The following SPIC variants were observed in gnomAD, a reference collection of about 807,000 sequenced individuals.
The protein encoded by SPIC is Spi-C transcription factor.
A neutral mutation model predicts 16.7 loss-of-function variants in SPIC; 9 were observed. The observed-to-expected ratio is 0.54, with a 90% CI of 0.33 to 0.94. The LOEUF (loss-of-function observed/expected upper bound fraction) is 0.94. Among genes scored for constraint, SPIC ranks in the 40% least tolerant of loss-of-function variants. The pLI is 0.03. For synonymous variants in SPIC, 97 were observed against 102.9 expected, an observed-to-expected ratio of 0.94 and a Z score of 0.35; for missense variants, 241 against 285.8, an observed-to-expected ratio of 0.84 and a Z score of 1.13.
chr12:101,479,307 A>AAAAGAAAGAAAGAAAG lies in SPIC; in HGVS notation c.98-239_98-224dup, dbSNP rs5800473. On this transcript the variant is annotated intron_variant, in intron 3 of 5. Transcript: ENST00000551346. ...GAAAAAGAAAGAAAGAAAGAAAGAAAAAAGAAAGAAAGAAAGAAAGAAAGA... is the reference window on the plus strand; with the variant it reads ...GAAAAAGAAAGAAAGAAAGAAAGAAAAAAGAAAGAAAGAAAGAAAGAAAGAAAGAAAGAAAGAAAGA... 7.7e-3 allele frequency among the ~76,000 whole-genome samples: 679 copies of AAAAGAAAGAAAGAAAG among 88,160 alleles called. 35 individuals are homozygous for AAAAGAAAGAAAGAAAG. The highest frequency in any genetic ancestry group is 0.016 in the Middle Eastern group (3 of 182). 57.8% of individuals were successfully genotyped at this position (88,160 alleles called of 152,430 possible). A position where few individuals can be genotyped will look rare whatever the true frequency, so the allele number is the denominator to read the frequency against.
intron 3 of SPIC, among the ~76,000 whole-genome samples, chr12:101,479,307 AAAAGAAAG>A (rs5800473): frequency 0.034 from 2,981 of 88,108 alleles, 115 homozygotes; most frequent in Admixed American, 0.082. Flanking sequence ...AAAGAAAGAA[AAAAGAAAG>A]AAAGAAAGAA....
intron 3 of SPIC, among the ~76,000 whole-genome samples, chr12:101,479,241 A>AG (rs1491467780): frequency 9.6e-5 from 7 of 72,828 alleles, no homozygotes; most frequent in Non-Finnish European, 1.4e-4. Context: ...AGAAAGAAAG[A>AG]AAAAGAAAGA....
At chr12:101,482,757 G>A (rs762002462) in intron 4 of SPIC, 35 bp from the exon 5 acceptor site, 14 of 1,577,058 alleles carry the variant, frequency 8.9e-6, no homozygotes, top group Non-Finnish European at 1.2e-5. Context: ...AACAGGGAAA[G>A]TCTCACTTAA....
Position 101,486,710 on chromosome 12 carries a change from G to A in SPIC, c.686G>A (p.Trp229Ter), listed in dbSNP as rs757246884. The part of the protein sequence containing the change: ...PDQEYLSLNN[W>*]NANYNYTYAN... ...CAAGAATATCTCAGTTTAAATAACT[G>A]GAATGCAAATTATAATTATACATAT... The change falls in exon 6 of 6, where the codon TGG becomes TAG. Residue 229 changes from tryptophan to a stop codon, truncating the protein, a stop_gained. Coordinates refer to ENST00000551346, the MANE Select transcript of SPIC (RefSeq NM_152323.3). LOFTEE classifies it low-confidence loss of function (END_TRUNC). The A allele has an allele frequency of 3.7e-6, 6 of 1,604,588 alleles. No individual in the cohort carries two copies. The East Asian group carries it at 1.1e-4, about 30-fold the overall frequency.
At chr12:101,479,216 GAAAGAAGGAAAGAAAGAAAGAAAGAA>G (rs1873073504) in intron 3 of SPIC, among the ~76,000 whole-genome samples, 19 of 116,566 alleles carry the variant, frequency 1.6e-4, no homozygotes, top group South Asian at 3.2e-4. Flanking sequence ...AAGAAAGAAA[GAAAGAAGGAAAGAAAGAAAGAAAGAA>G]AAAGAAAGAA....
intron 3 of SPIC, among the ~76,000 whole-genome samples, chr12:101,478,339 T>C (rs548925509): frequency 1.3e-5 from 2 of 152,064 alleles, no homozygotes; most frequent in African/African-American, 2.4e-5. Flanking sequence ...TGACCTTTTT[T>C]ATCTTTAATT....
Position 101,486,488 on chromosome 12 carries a change from G to A in SPIC, c.464G>A (p.Gly155Glu). The change falls in exon 6 of 6, where the codon GGG (glycine) becomes GAG (glutamate). Residue 155 changes from glycine to glutamate, a missense_variant. By Grantham distance (98) the Gly-to-Glu change is moderately conservative (BLOSUM62 -2). Transcript: ENST00000551346. ...KNKEKLAELW[G>E]KRKGNRKTMT... ...AAAGAAAAACTTGCCGAGCTTTGGG[G>A]GAAAAGAAAAGGCAACAGGAAGACC... 6.2e-7 allele frequency: 1 copy of A among 1,614,118 alleles called. No homozygotes were observed. Among genetic ancestry groups the A allele is most frequent in the Non-Finnish European group, 8.5e-7 (1 of 1,180,026 alleles).
At chr12:101,479,427 A>G (rs555885401) in intron 3 of SPIC, among the ~76,000 whole-genome samples, 155 bp from the exon 4 acceptor site, 1 of 152,348 alleles carries the variant, frequency 6.6e-6, no homozygotes, top group East Asian at 1.9e-4. Flanking sequence ...CCATAATAGC[A>G]GCATAATGAG....
intron 3 of SPIC, 120 bp from the exon 4 acceptor site, chr12:101,479,462 A>C (rs17041439): frequency 0.061 from 41,541 of 677,532 alleles, 1,452 homozygotes; most frequent in African/African-American, 0.097. Context: ...AGAAGTGCAA[A>C]GTGGCAAGAA....
chr12:101,479,172 A>AAAAGAAAGAAGG (rs1873061331), intron 3 of SPIC, among the ~76,000 whole-genome samples: 2 of 82,964 alleles, frequency 2.4e-5, no homozygotes, highest in African/African-American at 5.6e-5. Context: ...GAAAGAAAGA[A>AAAAGAAAGAAGG]AAAGAAAGAA....
chr12:101,479,343 G>T (rs563046453), intron 3 of SPIC, among the ~76,000 whole-genome samples: 23 of 149,852 alleles, frequency 1.5e-4, no homozygotes, highest in Non-Finnish European at 2.4e-4. Context: ...AAGAAAGAAA[G>T]AAAGAAAGAA....
chr12:101,475,807 G>A (rs1872940949), intron 1 of SPIC, among the ~76,000 whole-genome samples: 1 of 152,070 alleles, frequency 6.6e-6, no homozygotes, highest in Non-Finnish European at 1.5e-5. Flanking sequence ...CACTGACATG[G>A]CTTTTAAAAA....
chr12:101,479,306 AAAAAGAAAGAAAGAAAGAAAG>A, intron 3 of SPIC, among the ~76,000 whole-genome samples: 1 of 38,448 alleles, frequency 2.6e-5, no homozygotes, highest in South Asian at 9.2e-4. Flanking sequence ...GAAAGAAAGA[AAAAAGAAAGAAAGAAAGAAAG>A]AAAGAAAGAA....
chr12:101,479,805 T>C lies in SPIC; in HGVS notation c.210+111T>C, dbSNP rs1029997197. ...TTAAAGACAGCATTGACTATGAAAA[T>C]GGTTTTTTCTTTCTTTTTTTTTTTT... On this transcript the variant is annotated intron_variant, in intron 4 of 5. Coordinates refer to ENST00000551346, the MANE Select transcript of SPIC (RefSeq NM_152323.3). 11 of 711,000 alleles carry C rather than the reference T, an allele frequency of 1.5e-5. No homozygotes were observed. The East Asian group carries it at 2.5e-4, about 16-fold the overall frequency. 44.0% of individuals were successfully genotyped at this position (711,000 alleles called of 1,614,324 possible). A position where few individuals can be genotyped will look rare whatever the true frequency, so the allele number is the denominator to read the frequency against.
chr12:101,479,761 A>G lies in SPIC; in HGVS notation c.210+67A>G, dbSNP rs527989566. ...TTCTTGCCAGCCTTCCATTTCACATACACTGTCTGAAACCCAGCTTAAAGA... is the reference window on the plus strand; with the variant it reads ...TTCTTGCCAGCCTTCCATTTCACATGCACTGTCTGAAACCCAGCTTAAAGA... On this transcript the variant is annotated intron_variant, in intron 4 of 5. Coordinates refer to ENST00000551346, the MANE Select transcript of SPIC (RefSeq NM_152323.3). The G allele has an allele frequency of 1.9e-3, 2,283 of 1,212,958 alleles. 5 individuals carry two copies. The highest frequency in any genetic ancestry group is 2.2e-3 in the Non-Finnish European group (1,845 of 835,102). The allele number at this position is 1,212,958 out of a possible 1,614,324, so 75.1% of individuals were successfully genotyped here.
intron 4 of SPIC, among the ~76,000 whole-genome samples, chr12:101,481,855 G>A (rs1419773441): frequency 3.4e-5 from 5 of 148,742 alleles, no homozygotes; most frequent in Non-Finnish European, 6.0e-5. Flanking sequence ...GTTTCACCAC[G>A]TTGGCCAGGC....
rs1240700266 is a variant in SPIC, at chr12:101,475,398, C to T, written c.-182C>T. 1.3e-5 allele frequency: 2 copies of T among 151,816 alleles called. No homozygotes were observed. Among genetic ancestry groups the T allele is most frequent in the African/African-American group, 4.8e-5 (2 of 41,330 alleles). 9.4% of individuals were successfully genotyped at this position (151,816 alleles called of 1,614,324 possible). A position where few individuals can be genotyped will look rare whatever the true frequency, so the allele number is the denominator to read the frequency against. On this transcript the variant is annotated 5_prime_UTR_variant, in exon 1 of 6. Transcript: ENST00000551346. The stretch of plus-strand genomic sequence containing the variant: ...ATATTACTATTTTTTTTCATCAGAG[C>T]CATTGCACTGGAAAATAATTTTTTA...
intron 4 of SPIC, among the ~76,000 whole-genome samples, 180 bp downstream of exon 4, chr12:101,479,874 T>C (rs1278111734): frequency 1.3e-5 from 2 of 150,126 alleles, no homozygotes; most frequent in Middle Eastern, 3.2e-3. Flanking sequence ...TGGGGTTCAG[T>C]AGCTCAATCT....
intron 1 of SPIC, 30 bp downstream of exon 1, chr12:101,475,532 A>G (rs541377725): frequency 6.6e-5 from 10 of 152,176 alleles, no homozygotes; most frequent in South Asian, 2.1e-4. Flanking sequence ...TTTTCTAAAT[A>G]TCTTCTAATC....
Sources: gnomAD v4.1 joint callset for allele counts (sites outside exome capture counted in the v4.1 genomes callset) on GRCh38, gnomAD v4.1.1 for gene constraint, MANE v1.5 for transcripts, NCBI Gene and HGNC (gene_info 2026-07-23, HGNC 2026-07-21) for gene names.